Variants in PTPRG observed in about 807,000 individuals in gnomAD.
PTPRG encodes receptor-type tyrosine-protein phosphatase gamma.
In PTPRG, 102 loss-of-function variants were observed where a neutral mutation model predicts 165.3. That is an observed-to-expected ratio of 0.62 (90% CI 0.53 to 0.73). The LOEUF is 0.73. PTPRG is among the 30% of genes least tolerant of loss of function. The pLI is 0.00. For synonymous variants in PTPRG, 675 were observed against 669.5 expected (o/e 1.01, Z -0.13); for missense variants, 1,866 against 1,861.4 (o/e 1.00, Z -0.05).
At chr3:61,904,214 C>T (rs1381380044) in intron 2 of PTPRG, among the ~76,000 whole-genome samples, 1 of 152,164 alleles carries the variant, frequency 6.6e-6, no homozygotes, top group African/African-American at 2.4e-5. Context: ...TCAGACTTGC[C>T]AGTACCCACC....
rs931636390 is a variant in PTPRG, at chr3:62,294,363, A to T, written c.*1056A>T. ...ATCTCTTAATTACATACATTTTTCT[A>T]CTTAAGATTAAATTGGAAATACTGT... On this transcript the variant is annotated 3_prime_UTR_variant, in exon 30 of 30. Transcript: ENST00000474889. 2.6e-5 allele frequency: 4 copies of T among 152,084 alleles called. No homozygotes were observed. The highest frequency in any genetic ancestry group is 9.7e-5 in the African/African-American group (4 of 41,416). The allele number at this position is 152,084 out of a possible 1,614,324, so 9.4% of individuals were successfully genotyped here.
At chr3:62,124,321 G>C (rs1267110400) in intron 5 of PTPRG, 3 of 1,609,738 alleles carry the variant, frequency 1.9e-6, no homozygotes, top group Non-Finnish European at 2.6e-6. Flanking sequence ...TGGATGCCTG[G>C]TTCTGCCCGG....
At chr3:62,147,881 C>T (rs73096587) in intron 6 of PTPRG, among the ~76,000 whole-genome samples, 13,875 of 152,200 alleles carry the variant, frequency 0.091, 897 homozygotes, top group East Asian at 0.35. Context: ...ACAAGCTGGG[C>T]GTGGTGGCTC....
Position 61,562,233 on chromosome 3 carries a change from C to T in PTPRG, c.-55C>T. ...GCGGAGGCTCGCACGGAGGCAAGAA[C>T]TTATTCAACAAGTTTACCTCCCTGC... is the stretch of plus-strand genomic sequence containing the variant. On this transcript the variant is annotated 5_prime_UTR_variant, in exon 1 of 30. Transcript: ENST00000474889. 3.3e-6 allele frequency: 5 copies of T among 1,520,378 alleles called. No individual in the cohort carries two copies. Among genetic ancestry groups the T allele is most frequent in the Non-Finnish European group, 4.6e-6 (5 of 1,096,808 alleles). The allele number at this position is 1,520,378 out of a possible 1,614,324, so 94.2% of individuals were successfully genotyped here. A position where few individuals can be genotyped will look rare whatever the true frequency, so the allele number is the denominator to read the frequency against.
At chr3:61,912,801 G>C (rs2038836424) in intron 2 of PTPRG, among the ~76,000 whole-genome samples, 1 of 152,188 alleles carries the variant, frequency 6.6e-6, no homozygotes, top group African/African-American at 2.4e-5. Context: ...AGAGTGGTTT[G>C]ATGTGGGTAT....
chr3:61,761,770 T>G (rs1319445001), intron 2 of PTPRG, among the ~76,000 whole-genome samples: 2 of 152,184 alleles, frequency 1.3e-5, no homozygotes, highest in East Asian at 3.9e-4. Context: ...CTTGAAAGCC[T>G]TTTTCTGGGG....
rs150697054 is a variant in PTPRG at position 62,218,277 on chromosome 3, G to A, written c.2156-574G>A. ...CTCCGATGATTGTCCCACCATGACTGTGTCTGTTAGGGAAAGGTGGTTTCC... is the reference window on the plus strand; with the variant it reads ...CTCCGATGATTGTCCCACCATGACTATGTCTGTTAGGGAAAGGTGGTTTCC... On this transcript the variant is annotated intron_variant, in intron 12 of 29. Transcript: ENST00000474889. 3.9e-3 allele frequency among the ~76,000 whole-genome samples: 590 copies of A among 152,314 alleles called. 2 individuals are homozygous for A. Among genetic ancestry groups the A allele is most frequent in the Middle Eastern group, 0.017 (5 of 294 alleles).
At chr3:61,923,328 G>C (rs1348836790) in intron 2 of PTPRG, among the ~76,000 whole-genome samples, 1 of 152,168 alleles carries the variant, frequency 6.6e-6, no homozygotes, top group Non-Finnish European at 1.5e-5. Flanking sequence ...CATCATATTT[G>C]CTGTTCCTAT....
At chr3:61,916,422 A>G (rs1163104216) in intron 2 of PTPRG, among the ~76,000 whole-genome samples, 3 of 151,954 alleles carry the variant, frequency 2.0e-5, no homozygotes, top group Non-Finnish European at 4.4e-5. Flanking sequence ...GACTATTTTA[A>G]CCTCCTACTC....
At chr3:62,107,942 A>G (rs1702530041) in intron 5 of PTPRG, among the ~76,000 whole-genome samples, 1 of 152,214 alleles carries the variant, frequency 6.6e-6, no homozygotes, top group East Asian at 1.9e-4. Context: ...CTCTAATGGA[A>G]AGTATGCCAG....
Position 61,921,951 on chromosome 3 carries a change from CAT to C in PTPRG, c.191-67672_191-67671del, listed in dbSNP as rs372489088. On this transcript the variant is annotated intron_variant, in intron 2 of 29. Transcript: ENST00000474889. ...TTGAGTTTCCACAACCTCTGTTTAA[CAT>C]AATAAATTAAGCATCCAGATCTGTC... Among the ~76,000 whole-genome samples the C allele has an allele frequency of 7.8e-4, 119 of 152,266 alleles. 3 individuals are homozygous for C. The East Asian group carries it at 0.018, about 23-fold the overall frequency.
At chr3:62,048,669 T>C (rs1700372533) in intron 4 of PTPRG, among the ~76,000 whole-genome samples, 1 of 152,208 alleles carries the variant, frequency 6.6e-6, no homozygotes, top group African/African-American at 2.4e-5. Context: ...TATACGGAGA[T>C]TGGAGTAAAT....
chr3:62,038,278 C>A (rs1700014369), intron 4 of PTPRG, among the ~76,000 whole-genome samples: 1 of 152,204 alleles, frequency 6.6e-6, no homozygotes, highest in African/African-American at 2.4e-5. Flanking sequence ...GCAGGCCCAC[C>A]TTCAAAGTTG....
chr3:61,659,027 G>T (rs59410819), intron 1 of PTPRG, among the ~76,000 whole-genome samples: 25,405 of 152,026 alleles, frequency 0.17, 2,216 homozygotes, highest in African/African-American at 0.2. Context: ...GCATGAGTTC[G>T]GCTGTTTTCT....
Position 62,005,005 on chromosome 3 carries a change from A to G in PTPRG, c.519+1508A>G, listed in dbSNP as rs545335353. Among the ~76,000 whole-genome samples the G allele has an allele frequency of 1.2e-4, 19 of 152,262 alleles. No individual in the cohort carries two copies. In the East Asian group the frequency reaches 2.1e-3, roughly 17 times the overall value. ...CTAAGTATCCTGGAAGCTCTGTTGAAGAATCTCTACACAATATGAAAGTAA... is the reference window on the plus strand; with the variant it reads ...CTAAGTATCCTGGAAGCTCTGTTGAGGAATCTCTACACAATATGAAAGTAA... On this transcript the variant is annotated intron_variant, in intron 4 of 29. Transcript: ENST00000474889.
chr3:62,282,717 T>C lies in PTPRG; in HGVS notation c.3913-10T>C, dbSNP rs771816574. 7.5e-6 allele frequency: 12 copies of C among 1,603,206 alleles called. No individual in the cohort carries two copies. The highest frequency in any genetic ancestry group is 5.2e-5 in the Admixed American group (3 of 57,278). ...AGGAAGGGATTTGACCCATGTTGTA[T>C]TGGTTACAGGATGACTATGTCTTAG... On this transcript the variant is annotated splice_polypyrimidine_tract_variant and intron_variant, in intron 27 of 29. Transcript: ENST00000474889.
intron 2 of PTPRG, among the ~76,000 whole-genome samples, chr3:61,871,992 G>C (rs759801019): frequency 6.6e-6 from 1 of 152,198 alleles, no homozygotes; most frequent in Non-Finnish European, 1.5e-5. Context: ...ATACCTGCTT[G>C]CTCTATTCTT....
chr3:61,913,503 G>GCCC (rs1371349287), intron 2 of PTPRG, among the ~76,000 whole-genome samples: 8 of 152,212 alleles, frequency 5.3e-5, no homozygotes, highest in Admixed American at 6.5e-5. Context: ...ACAGGCGTGA[G>GCCC]CCACCGCACC....
At chr3:61,992,495 G>C (rs965685676) in intron 3 of PTPRG, among the ~76,000 whole-genome samples, 3 of 152,042 alleles carry the variant, frequency 2.0e-5, no homozygotes, top group Non-Finnish European at 4.4e-5. Flanking sequence ...GAGTAACTGG[G>C]ATTACAGACA....
Sources: allele counts gnomAD v4.1 joint callset (sites outside exome capture counted in the v4.1 genomes callset), GRCh38; gene constraint gnomAD v4.1.1; transcripts MANE v1.5; gene names NCBI Gene and HGNC (gene_info 2026-07-23, HGNC 2026-07-21).